Variants in RPH3A observed in about 807,000 individuals in gnomAD.
RPH3A encodes the protein rabphilin 3A, also known as rabphilin-3A.
In RPH3A, 48 loss-of-function variants were observed where a neutral mutation model predicts 102.2. The observed-to-expected ratio is 0.47, with a 90% confidence interval of 0.37 to 0.60. The LOEUF (loss-of-function observed/expected upper bound fraction) is 0.60, where lower values mean the gene tolerates loss of function less well. RPH3A is among the 20% of genes least tolerant of loss of function. RPH3A has a pLI of 0.00. For synonymous variants in RPH3A, 310 were observed against 324.3 expected, an observed-to-expected ratio of 0.96 and a Z score of 0.47; for missense variants, 781 against 910.1, an observed-to-expected ratio of 0.86 and a Z score of 1.83.
chr12:112,812,107 A>G (rs1308722483), intron 2 of RPH3A, among the ~76,000 whole-genome samples: 1 of 152,002 alleles, frequency 6.6e-6, no homozygotes, highest in Admixed American at 6.6e-5. Flanking sequence ...CTGAGCATTG[A>G]GTCTAATTGG....
intron 2 of RPH3A, among the ~76,000 whole-genome samples, chr12:112,812,960 G>A (rs1224530210): frequency 6.6e-6 from 1 of 152,180 alleles, no homozygotes; most frequent in Non-Finnish European, 1.5e-5. Flanking sequence ...TGACCACAAG[G>A]GTGACTTCAT....
At position 112,615,683 on chromosome 12, in the gene RPH3A, C is replaced by T. The variant is rs558639140; in HGVS notation, c.-140+40364C>T. ...TCTTTTTGCCCTCTTCTGCACTTGA[C>T]GACCGTGTCCAAGGATCTCAGTGCT... On this transcript the variant is annotated intron_variant, in intron 1 of 21. Transcript: ENST00000543106. Among the ~76,000 whole-genome samples the T allele has an allele frequency of 2.6e-5, 4 of 152,242 alleles. 1 individual carries two copies. The highest frequency in any genetic ancestry group is 7.2e-5 in the African/African-American group (3 of 41,534).
chr12:112,710,893 G>A (rs568159168), intron 1 of RPH3A, among the ~76,000 whole-genome samples: 2 of 151,998 alleles, frequency 1.3e-5, no homozygotes, highest in South Asian at 4.2e-4. Flanking sequence ...ATGTAACACA[G>A]CACCTAGCAC....
intron 1 of RPH3A, among the ~76,000 whole-genome samples, chr12:112,775,429 A>G (rs1006658015): frequency 6.6e-6 from 1 of 152,176 alleles, no homozygotes; most frequent in African/African-American, 2.4e-5. Context: ...ACTTTGAGGG[A>G]TATAGAAAGA....
At chr12:112,850,302 A>G (rs2042302835) in intron 5 of RPH3A, among the ~76,000 whole-genome samples, 1 of 152,140 alleles carries the variant, frequency 6.6e-6, no homozygotes, top group Admixed American at 6.5e-5. Flanking sequence ...TTAATAAATA[A>G]TGGCAATTAT....
intron 1 of RPH3A, among the ~76,000 whole-genome samples, chr12:112,579,569 T>C (rs1313871916): frequency 6.6e-6 from 1 of 152,204 alleles, no homozygotes; most frequent in Non-Finnish European, 1.5e-5. Context: ...TTTATGATCT[T>C]GTTTAAAAGA....
intron 18 of RPH3A, among the ~76,000 whole-genome samples, chr12:112,890,512 G>C (rs2043075643): frequency 6.6e-6 from 1 of 152,218 alleles, no homozygotes; most frequent in Non-Finnish European, 1.5e-5. Flanking sequence ...TCTGAGATCA[G>C]AGGCAAGAAT....
chr12:112,673,484 C>A (rs986487219), intron 1 of RPH3A, among the ~76,000 whole-genome samples: 10 of 151,772 alleles, frequency 6.6e-5, no homozygotes, highest in Non-Finnish European at 1.2e-4. Context: ...GTGCATGCCA[C>A]CATCCCTGGC....
intron 1 of RPH3A, among the ~76,000 whole-genome samples, chr12:112,631,466 A>G (rs1040217840): frequency 2.6e-5 from 4 of 152,142 alleles, no homozygotes; most frequent in Non-Finnish European, 5.9e-5. Context: ...ACTTTTTCTC[A>G]GAAGTTCAAA....
intron 4 of RPH3A, among the ~76,000 whole-genome samples, chr12:112,839,658 A>C (rs1365885365): frequency 6.6e-6 from 1 of 152,204 alleles, no homozygotes; most frequent in Admixed American, 6.5e-5. Flanking sequence ...TTCCCACAGC[A>C]AGTCCTAAGT....
At chr12:112,753,683 T>G (rs2040801188) in intron 1 of RPH3A, among the ~76,000 whole-genome samples, 1 of 152,138 alleles carries the variant, frequency 6.6e-6, no homozygotes, top group Admixed American at 6.5e-5. Context: ...AAGTCCCAGA[T>G]TTTTCAGAGG....
chr12:112,841,776 T>A, intron 4 of RPH3A, among the ~76,000 whole-genome samples: 1 of 151,686 alleles, frequency 6.6e-6, no homozygotes, highest in Non-Finnish European at 1.5e-5. Flanking sequence ...GTATCCAGAT[T>A]GAGAAAGGAA....
intron 1 of RPH3A, among the ~76,000 whole-genome samples, chr12:112,643,630 T>C (rs2039906416): frequency 6.6e-6 from 1 of 152,260 alleles, no homozygotes; most frequent in African/African-American, 2.4e-5. Context: ...TTCATGTTCG[T>C]GTCAGCCTGG....
intron 1 of RPH3A, among the ~76,000 whole-genome samples, chr12:112,747,939 T>A (rs1200592923): frequency 6.6e-6 from 1 of 152,074 alleles, no homozygotes; most frequent in Non-Finnish European, 1.5e-5. Flanking sequence ...GCAGCAGAGG[T>A]TAAAGAGCAT....
intron 2 of RPH3A, among the ~76,000 whole-genome samples, chr12:112,795,100 T>G (rs2136092576): frequency 6.6e-6 from 1 of 152,240 alleles, no homozygotes; most frequent in East Asian, 1.9e-4. Context: ...AGATGTGCAT[T>G]TGGTTGGGGT....
At chr12:112,769,180 G>A (rs914709143) in intron 1 of RPH3A, among the ~76,000 whole-genome samples, 3 of 152,170 alleles carry the variant, frequency 2.0e-5, no homozygotes, top group Non-Finnish European at 4.4e-5. Flanking sequence ...AACTTTCTGA[G>A]ACTTTCAATC....
intron 1 of RPH3A, among the ~76,000 whole-genome samples, chr12:112,637,524 C>A (rs2039857068): frequency 6.6e-6 from 1 of 152,040 alleles, no homozygotes; most frequent in Non-Finnish European, 1.5e-5. Context: ...TAAACATACA[C>A]AATGTATTGG....
chr12:112,628,757 A>G (rs2039783898), intron 1 of RPH3A, among the ~76,000 whole-genome samples: 1 of 151,868 alleles, frequency 6.6e-6, no homozygotes, highest in South Asian at 2.1e-4. Context: ...AAAAATTACA[A>G]AAAACAAACA....
At chr12:112,621,752 G>A (rs2039728770) in intron 1 of RPH3A, among the ~76,000 whole-genome samples, 1 of 152,020 alleles carries the variant, frequency 6.6e-6, no homozygotes, top group African/African-American at 2.4e-5. Flanking sequence ...ACCTCTGGGG[G>A]CAGGGCACAG....
Sources: gnomAD v4.1 joint callset for allele counts (sites outside exome capture counted in the v4.1 genomes callset) on GRCh38, gnomAD v4.1.1 for gene constraint, MANE v1.5 for transcripts, NCBI Gene and HGNC (gene_info 2026-07-23, HGNC 2026-07-21) for gene names.